Variants in SLIT3 observed in about 807,000 individuals in gnomAD.
The protein encoded by SLIT3 is slit homolog 3 protein.
In SLIT3, 68 loss-of-function variants were observed where a neutral mutation model predicts 184.0. The ratio of observed to expected loss-of-function variants is 0.37; its 90% CI spans 0.30 to 0.45. SLIT3 has a LOEUF of 0.45. SLIT3 is among the 20% of genes least tolerant of loss of function. The probability of loss-of-function intolerance (pLI) is 1.00; values close to 1 mark genes in which losing one functional copy is unlikely to be tolerated. For synonymous variants in SLIT3, 831 were observed against 828.6 expected (o/e 1.00, Z -0.05); for missense variants, 1,707 against 2,026.0 (o/e 0.84, Z 3.02).
intron 5 of SLIT3, among the ~76,000 whole-genome samples, chr5:168,853,271 AAAG>A: frequency 6.6e-6 from 1 of 152,328 alleles, no homozygotes; most frequent in East Asian, 1.9e-4. Context: ...TCCCTTACTG[AAAG>A]AAGGATACCA....
intron 5 of SLIT3, among the ~76,000 whole-genome samples, chr5:168,874,786 A>G (rs1759669161): frequency 6.6e-6 from 1 of 152,058 alleles, no homozygotes; most frequent in Non-Finnish European, 1.5e-5. Flanking sequence ...TTCTTCTACT[A>G]TTTTTCTCAT....
intron 35 of SLIT3, among the ~76,000 whole-genome samples, chr5:168,669,550 G>T (rs1396298792): frequency 1.3e-5 from 2 of 152,202 alleles, no homozygotes; most frequent in Non-Finnish European, 2.9e-5. Context: ...GTTTTTTGTG[G>T]TTTTGAACTG....
chr5:168,927,466 A>C (rs189044513), intron 4 of SLIT3, among the ~76,000 whole-genome samples: 5 of 152,330 alleles, frequency 3.3e-5, no homozygotes. Context: ...TAGACTTGAC[A>C]CTACTAAATT....
intron 4 of SLIT3, among the ~76,000 whole-genome samples, chr5:169,138,013 A>G (rs1391643927): frequency 6.6e-6 from 1 of 152,152 alleles, no homozygotes; most frequent in African/African-American, 2.4e-5. Context: ...AACTATCAAG[A>G]TAGATGCCTG....
chr5:169,220,061 A>G (rs1764570811), intron 3 of SLIT3, among the ~76,000 whole-genome samples: 1 of 152,052 alleles, frequency 6.6e-6, no homozygotes, highest in Non-Finnish European at 1.5e-5. Flanking sequence ...CCCAGCCCCC[A>G]GTTCTCCAGC....
At chr5:169,010,816 T>C (rs1490398100) in intron 4 of SLIT3, among the ~76,000 whole-genome samples, 1 of 151,654 alleles carries the variant, frequency 6.6e-6, no homozygotes, top group Non-Finnish European at 1.5e-5. Context: ...GGCAGGAGAA[T>C]TGCTTGAACC....
At chr5:168,837,842 C>T (rs1758104897) in intron 6 of SLIT3, among the ~76,000 whole-genome samples, 1 of 152,184 alleles carries the variant, frequency 6.6e-6, no homozygotes, top group South Asian at 2.1e-4. Flanking sequence ...TTGGGAATTA[C>T]AGTTTCCATT....
intron 14 of SLIT3, among the ~76,000 whole-genome samples, chr5:168,763,708 G>T (rs1581054653): frequency 6.6e-6 from 1 of 152,188 alleles, no homozygotes; most frequent in Admixed American, 6.5e-5. Flanking sequence ...GAATCATGCT[G>T]GTTGGAACTG....
At chr5:168,859,842 G>A (rs919576083) in intron 5 of SLIT3, among the ~76,000 whole-genome samples, 2 of 152,028 alleles carry the variant, frequency 1.3e-5, no homozygotes, top group East Asian at 1.9e-4. Flanking sequence ...GGAAGGGGAT[G>A]GGCTGTCCAC....
At chr5:168,897,127 G>A (rs1392164035) in intron 4 of SLIT3, among the ~76,000 whole-genome samples, 1 of 34,644 alleles carries the variant, frequency 2.9e-5, no homozygotes, top group African/African-American at 4.1e-5. Flanking sequence ...ATCATTACTA[G>A]GGTGACTACT....
chr5:168,841,659 G>A (rs80221210), intron 6 of SLIT3, among the ~76,000 whole-genome samples: 5,809 of 152,180 alleles, frequency 0.038, 391 homozygotes, highest in African/African-American at 0.13. Context: ...CAATGTAACT[G>A]GTAAAACCAT....
intron 6 of SLIT3, among the ~76,000 whole-genome samples, chr5:168,833,775 GA>G (rs1757954776): frequency 1.3e-5 from 2 of 152,168 alleles, no homozygotes; most frequent in Admixed American, 1.3e-4. Flanking sequence ...GTTCTTCCAC[GA>G]ATTTTTCCTA....
chr5:169,195,771 C>A (rs140422544), intron 3 of SLIT3, among the ~76,000 whole-genome samples: 9,253 of 152,208 alleles, frequency 0.061, 304 homozygotes, highest in South Asian at 0.13. Context: ...AGTGATCCGC[C>A]CACCTCAGCC....
chr5:169,048,726 C>T (rs6555846), intron 4 of SLIT3, among the ~76,000 whole-genome samples: 2 of 152,068 alleles, frequency 1.3e-5, no homozygotes, highest in Non-Finnish European at 2.9e-5. Context: ...CGGATAATAA[C>T]AGCCGTATTA....
At chr5:168,815,189 C>T (rs945237289) in intron 8 of SLIT3, among the ~76,000 whole-genome samples, 1 of 152,350 alleles carries the variant, frequency 6.6e-6, no homozygotes, top group South Asian at 2.1e-4. Flanking sequence ...GGTGCTCCCA[C>T]GTAACTACGA....
chr5:168,897,647 T>TGCGCGC (rs3223457), intron 4 of SLIT3, among the ~76,000 whole-genome samples: 1 of 141,414 alleles, frequency 7.1e-6, no homozygotes, highest in African/African-American at 2.6e-5. Flanking sequence ...CAGGTGCACG[T>TGCGCGC]ACACACACAC....
intron 5 of SLIT3, 193 bp from the exon 6 acceptor site, chr5:168,844,848 G>C (rs1411227123): frequency 1.1e-5 from 6 of 535,034 alleles, no homozygotes; most frequent in Non-Finnish European, 2.0e-5. Context: ...GAACTACACA[G>C]ACGAGCGCAC....
intron 8 of SLIT3, 24 bp downstream of exon 8, chr5:168,817,276 G>GGAGA (rs764752919): frequency 6.2e-7 from 1 of 1,612,042 alleles, no homozygotes; most frequent in Non-Finnish European, 8.5e-7. Context: ...GCACAGGAGG[G>GGAGA]GAGAGCAGGT....
chr5:168,904,413 A>G (rs1467240556), intron 4 of SLIT3, among the ~76,000 whole-genome samples: 3 of 152,114 alleles, frequency 2.0e-5, no homozygotes, highest in Non-Finnish European at 2.9e-5. Flanking sequence ...CTCCCCTCAG[A>G]GAGGCAGTTA....
Sources: gnomAD v4.1 joint callset for allele counts (sites outside exome capture counted in the v4.1 genomes callset) on GRCh38, gnomAD v4.1.1 for gene constraint, MANE v1.5 for transcripts, NCBI Gene and HGNC (gene_info 2026-07-23, HGNC 2026-07-21) for gene names.